CPLANE1: variants seen among roughly 807,000 people sequenced by gnomAD.
The protein encoded by CPLANE1 is ciliogenesis and planar polarity effector 1.
In CPLANE1, 263 loss-of-function variants were observed where a neutral mutation model predicts 362.5. The observed-to-expected ratio is 0.73, with a 90% confidence interval of 0.66 to 0.80. The LOEUF is 0.80. Among genes scored for constraint, CPLANE1 ranks in the 30% least tolerant of loss-of-function variants. The pLI is 0.00. For missense variants in CPLANE1, 3,461 were observed against 3,793.4 expected (o/e 0.91, Z 2.30); for synonymous variants, 1,212 against 1,302.6 (o/e 0.93, Z 1.50).
intron 12 of CPLANE1, among the ~76,000 whole-genome samples, chr5:37,225,725 G>A (rs1283148501): frequency 1.3e-5 from 2 of 151,838 alleles, no homozygotes; most frequent in South Asian, 2.1e-4. Flanking sequence ...GGTGGCAGGC[G>A]CCTGTAATCC....
chr5:37,194,144 G>A (rs963859211), intron 21 of CPLANE1, among the ~76,000 whole-genome samples: 7 of 151,832 alleles, frequency 4.6e-5, no homozygotes, highest in Admixed American at 2.6e-4. Flanking sequence ...GGCTGGTCTC[G>A]AACTCCTGAC....
At chr5:37,240,473 C>T (rs550076098) in intron 6 of CPLANE1, among the ~76,000 whole-genome samples, 36 of 152,222 alleles carry the variant, frequency 2.4e-4, no homozygotes, top group Admixed American at 8.5e-4. Context: ...CTTTTAACCA[C>T]GGCAGAAAGG....
At chr5:37,089,727 A>G in the CPLANE1 span, among the ~76,000 whole-genome samples, 1 of 152,216 alleles carries the variant, frequency 6.6e-6, no homozygotes, top group Admixed American at 6.5e-5. Flanking sequence ...TTGTTTTTAT[A>G]TGATTCCCCT....
intron 17 of CPLANE1, among the ~76,000 whole-genome samples, chr5:37,205,745 A>T (rs1455495467): frequency 6.6e-6 from 1 of 152,068 alleles, no homozygotes; most frequent in African/African-American, 2.4e-5. Flanking sequence ...ACAGGGTCTC[A>T]CTCTGTTGCC....
chr5:37,085,120 A>C, the CPLANE1 span: 2 of 749,584 alleles, frequency 2.7e-6, no homozygotes, highest in South Asian at 2.8e-5. Flanking sequence ...ATGCTGGATA[A>C]ATTGACCAGT....
intron 21 of CPLANE1, among the ~76,000 whole-genome samples, chr5:37,192,883 T>C (rs1334349844): frequency 7.9e-6 from 1 of 126,590 alleles, no homozygotes; most frequent in Non-Finnish European, 1.6e-5. Context: ...AAATACCTCA[T>C]CTGGGCCGGG....
intron 25 of CPLANE1, 86 bp from the exon 26 acceptor site, chr5:37,183,785 C>T (rs995972067): frequency 6.5e-6 from 6 of 928,270 alleles, no homozygotes; most frequent in Non-Finnish European, 9.6e-6. Context: ...AAATTCTCTC[C>T]AATGATTAAG....
intron 18 of CPLANE1, among the ~76,000 whole-genome samples, chr5:37,203,810 G>A (rs764211958): frequency 2.0e-5 from 3 of 152,152 alleles, no homozygotes; most frequent in African/African-American, 4.8e-5. Flanking sequence ...GAGCCACTGC[G>A]CCTGGCTTCA....
intron 5 of CPLANE1, among the ~76,000 whole-genome samples, chr5:37,243,802 A>C (rs1398155577): frequency 1.4e-5 from 2 of 147,046 alleles, no homozygotes; most frequent in African/African-American, 2.5e-5. Context: ...ATACCATATA[A>C]TATATAATAT....
At chr5:37,181,395 C>A (rs1782618237) in intron 26 of CPLANE1, among the ~76,000 whole-genome samples, 1 of 152,162 alleles carries the variant, frequency 6.6e-6, no homozygotes, top group Admixed American at 6.5e-5. Context: ...GCTAAAAACA[C>A]AAGGTACATC....
chr5:37,226,918 A>C lies in CPLANE1; in HGVS notation c.1677T>G (p.Ser559Arg). Residue 559 changes from serine to arginine, a missense_variant, in exon 12 of 53, where the codon AGT (serine) becomes AGG (arginine). Ser to Arg is a moderately radical substitution (Grantham distance 110). Transcript: ENST00000651892. The part of the protein sequence containing the change: ...MFDTIHAKDD[S>R]EETDRTITEL... ...CTGTAATGGTTCTATCTGTCTCCTCACTATCATCCTTTGCATGTATCGTAT... is the reference window on the plus strand; with the variant it reads ...CTGTAATGGTTCTATCTGTCTCCTCCCTATCATCCTTTGCATGTATCGTAT... The C allele has an allele frequency of 6.4e-7, 1 of 1,551,884 alleles. No individual in the cohort carries two copies. The highest frequency in any genetic ancestry group is 8.7e-7 in the Non-Finnish European group (1 of 1,146,996).
intron 9 of CPLANE1, among the ~76,000 whole-genome samples, chr5:37,230,023 A>G (rs974245636): frequency 2.6e-5 from 4 of 151,970 alleles, no homozygotes; most frequent in African/African-American, 9.7e-5. Flanking sequence ...CTAAAAATAC[A>G]AAATTAGCCA....
intron 18 of CPLANE1, among the ~76,000 whole-genome samples, chr5:37,203,809 C>A (rs972893453): frequency 6.6e-6 from 1 of 152,106 alleles, no homozygotes; most frequent in Non-Finnish European, 1.5e-5. Flanking sequence ...TGAGCCACTG[C>A]GCCTGGCTTC....
At chr5:37,083,589 T>C in the CPLANE1 span, among the ~76,000 whole-genome samples, 5 of 151,958 alleles carry the variant, frequency 3.3e-5, no homozygotes, top group African/African-American at 1.2e-4. Context: ...TAAAAAATAA[T>C]CAAAACTGCA....
At chr5:37,203,305 T>C (rs1353060261) in intron 18 of CPLANE1, among the ~76,000 whole-genome samples, 1 of 152,214 alleles carries the variant, frequency 6.6e-6, no homozygotes, top group African/African-American at 2.4e-5. Flanking sequence ...CGTTCCTGAC[T>C]TCTTTCAGGA....
intron 43 of CPLANE1, among the ~76,000 whole-genome samples, chr5:37,143,528 A>G (rs1217651180): frequency 6.6e-6 from 1 of 152,266 alleles, no homozygotes; most frequent in African/African-American, 2.4e-5. Flanking sequence ...ATGAATAGCT[A>G]AAACAGCAAA....
chr5:37,141,543 GTTTTC>G (rs1211603621), intron 44 of CPLANE1: 3 of 978,284 alleles, frequency 3.1e-6, no homozygotes, highest in South Asian at 4.7e-5. Context: ...TTCTTAATAG[GTTTTC>G]TTTTATTTAA....
At chr5:37,234,637 TAAA>T in intron 8 of CPLANE1, among the ~76,000 whole-genome samples, 1 of 151,996 alleles carries the variant, frequency 6.6e-6, no homozygotes, top group Admixed American at 6.6e-5. Flanking sequence ...AAAAGAATAA[TAAA>T]TGAAAACTTC....
chr5:37,156,940 A>G (rs952012399), intron 41 of CPLANE1, among the ~76,000 whole-genome samples: 2 of 152,234 alleles, frequency 1.3e-5, no homozygotes, highest in Non-Finnish European at 2.9e-5. Flanking sequence ...TTGAAATAAA[A>G]GTTGGGAAAA....
Sources: allele counts gnomAD v4.1 joint callset (sites outside exome capture counted in the v4.1 genomes callset), GRCh38; gene constraint gnomAD v4.1.1; transcripts MANE v1.5; gene names NCBI Gene and HGNC (gene_info 2026-07-23, HGNC 2026-07-21).